Variants in LACTB observed in about 807,000 individuals in gnomAD.
LACTB encodes serine beta-lactamase-like protein LACTB, mitochondrial.
In LACTB, 35 loss-of-function variants were observed where a neutral mutation model predicts 50.2. The observed-to-expected ratio is 0.70, with a 90% CI of 0.53 to 0.92. The LOEUF (loss-of-function observed/expected upper bound fraction) is 0.92, where lower values mean the gene tolerates loss of function less well. Ranked by LOEUF, LACTB falls within the 40% of genes least tolerant of loss-of-function variation. LACTB has a pLI of 0.00. For synonymous variants in LACTB, 252 were observed against 268.2 expected (o/e 0.94, Z 0.59); for missense variants, 664 against 691.8 (o/e 0.96, Z 0.45).
chr15:63,137,548 G>A (rs1044846864), intron 5 of LACTB, among the ~76,000 whole-genome samples: 1 of 152,102 alleles, frequency 6.6e-6, no homozygotes, highest in African/African-American at 2.4e-5. Flanking sequence ...TTTTGATACA[G>A]GCATGCACTG....
In LACTB at chr15:63,129,616, G is replaced by A. The variant is rs757488085; in HGVS notation, c.1084G>A (p.Glu362Lys). The A allele has an allele frequency of 1.2e-6, 2 of 1,609,994 alleles. No individual in the cohort carries two copies. The highest frequency in any genetic ancestry group is 1.7e-6 in the Non-Finnish European group (2 of 1,178,322). ...HDLDMLTTVQEENEPVIYNRA... is the reference protein window; with the variant it reads ...HDLDMLTTVQKENEPVIYNRA... ...CTTGGATATGCTGACGACTGTGCAG[G>A]AAGAAAACGAGCCAGTGATTTACAA... The change falls in exon 5 of 6, where the codon GAA becomes AAA. Residue 362 changes from glutamate (E) to lysine (K), a missense_variant. By Grantham distance (56) the Glu-to-Lys change is moderately conservative. Transcript: ENST00000261893.
intron 2 of LACTB, among the ~76,000 whole-genome samples, chr15:63,124,158 G>C (rs1362007387): frequency 6.6e-6 from 1 of 152,218 alleles, no homozygotes; most frequent in Non-Finnish European, 1.5e-5. Context: ...GGGCGTAACA[G>C]AACGCTCGCA....
At chr15:63,128,526 A>G (rs2037085220) in intron 4 of LACTB, among the ~76,000 whole-genome samples, 1 of 152,166 alleles carries the variant, frequency 6.6e-6, no homozygotes, top group South Asian at 2.1e-4. Flanking sequence ...CCCTGAGCCC[A>G]GGAGTTCAAA....
rs1254657890 is a variant in LACTB at position 63,124,506 on chromosome 15, A to AT, written c.424+1811dup. On this transcript the variant is annotated intron_variant, in intron 2 of 5. Transcript: ENST00000261893. ...TTTTAACCAGGTAGAGGTGTCATCT[A>AT]TTTTTTTCAAACAGAAGGCAAAAAA... Among the ~76,000 whole-genome samples, 13 of 151,978 alleles carry AT rather than the reference A, an allele frequency of 8.6e-5. No individual in the cohort carries two copies. In the East Asian group the frequency reaches 2.5e-3, roughly 29 times the overall value.
chr15:63,129,190 G>A lies in LACTB; in HGVS notation c.953-295G>A, dbSNP rs188949715. Among the ~76,000 whole-genome samples the A allele has an allele frequency of 3.3e-5, 5 of 152,180 alleles. No homozygotes were observed. The East Asian group carries it at 9.7e-4, about 29-fold the overall frequency. On this transcript the variant is annotated intron_variant, in intron 4 of 5. Coordinates refer to ENST00000261893, the MANE Select transcript of LACTB (RefSeq NM_032857.5). ...TTTGTTGTCACTTTGAAATATTTTT[G>A]TTTTGTTTTGAGGTAGGATTTATTT...
chr15:63,127,508 T>C lies in LACTB; in HGVS notation c.771T>C (p.Asn257=), dbSNP rs750803911. 2.5e-6 allele frequency: 4 copies of C among 1,613,614 alleles called. No individual in the cohort carries two copies. Among genetic ancestry groups the C allele is most frequent in the East Asian group, 2.2e-5 (1 of 44,824 alleles). The change falls in exon 4 of 6, where the codon AAT becomes AAC. Residue 257 remains asparagine, a synonymous_variant. Coordinates refer to ENST00000261893, the MANE Select transcript of LACTB (RefSeq NM_032857.5). ...AGCAAGAAAAAGAAGGCAAAAGTAA[T>C]GAAAAGAATGATTTTACTAAATTTA... ...AFEQEKEGKS[N]EKNDFTKFKT...
At chr15:63,128,405 TG>T (rs2037083323) in intron 4 of LACTB, among the ~76,000 whole-genome samples, 1 of 152,178 alleles carries the variant, frequency 6.6e-6, no homozygotes, top group Admixed American at 6.5e-5. Context: ...AAGACTAGTC[TG>T]GGCAACAAAG....
chr15:63,122,526 G>C (rs145418989), intron 1 of LACTB, 110 bp from the exon 2 acceptor site: 377,974 of 881,378 alleles, frequency 0.43, 88,174 homozygotes, highest in Non-Finnish European at 0.51. Context: ...GGCCCAGGTG[G>C]AGGGGGCGGG....
intron 1 of LACTB, 146 bp downstream of exon 1, chr15:63,122,374 C>T (rs2036986483): frequency 2.5e-6 from 2 of 794,132 alleles, no homozygotes; most frequent in Non-Finnish European, 3.9e-6. Context: ...CACCGCCGAG[C>T]CGTGGTCAGA....
Position 63,122,628 on chromosome 15 carries a change from G to T in LACTB, c.358-8G>T, listed in dbSNP as rs762270226. On this transcript the variant is annotated splice_polypyrimidine_tract_variant and splice_region_variant and intron_variant, in intron 1 of 5. Transcript: ENST00000261893. ...CGTAACTGTCGGTTCTTTCCCCTTCGGTCTTAGGATGAGGTGGGCGCACCG... is the reference window on the plus strand; with the variant it reads ...CGTAACTGTCGGTTCTTTCCCCTTCTGTCTTAGGATGAGGTGGGCGCACCG... 5.6e-6 allele frequency: 9 copies of T among 1,610,710 alleles called. No homozygotes were observed. The highest frequency in any genetic ancestry group is 1.1e-5 in the South Asian group (1 of 91,036).
At chr15:63,130,991 A>T (rs1478950198) in intron 5 of LACTB, 4 of 152,180 alleles carry the variant, frequency 2.6e-5, no homozygotes, top group Non-Finnish European at 4.4e-5. Context: ...ATCAGTTGGC[A>T]TTCTATTATA....
chr15:63,127,273 C>A, intron 3 of LACTB, 80 bp from the exon 4 acceptor site: 2 of 1,163,410 alleles, frequency 1.7e-6, no homozygotes, highest in South Asian at 1.6e-5. Context: ...GAAAATATTA[C>A]TGAGACATTA....
rs540808196 is a variant in LACTB at position 63,132,819 on chromosome 15, T to A, written c.1118+3169T>A. Among the ~76,000 whole-genome samples the A allele has an allele frequency of 8.3e-4, 119 of 143,518 alleles. 1 individual carries two copies. The South Asian group carries it at 0.025, about 30-fold the overall frequency. 94.2% of individuals were successfully genotyped at this position (143,518 alleles called of 152,430 possible). A position where few individuals can be genotyped will look rare whatever the true frequency, so the allele number is the denominator to read the frequency against. ...CTGGGCAAGAGAGCGAGACCCCATT[T>A]AAAAAAAATTTTTTTTTGATATATT... On this transcript the variant is annotated intron_variant, in intron 5 of 5. Coordinates refer to ENST00000261893, the MANE Select transcript of LACTB (RefSeq NM_032857.5).
intron 5 of LACTB, 21 bp downstream of exon 5, chr15:63,129,671 G>GC: frequency 6.4e-7 from 1 of 1,555,042 alleles, no homozygotes; most frequent in Non-Finnish European, 8.7e-7. Flanking sequence ...ACCTTCTGCT[G>GC]TGTCTAGCTA....
chr15:63,134,134 A>C (rs2037155731), intron 5 of LACTB, among the ~76,000 whole-genome samples: 1 of 152,034 alleles, frequency 6.6e-6, no homozygotes, highest in Non-Finnish European at 1.5e-5. Flanking sequence ...CTCTCTCTTC[A>C]TACCATAGTG....
intron 5 of LACTB, among the ~76,000 whole-genome samples, chr15:63,138,359 T>C (rs1595718316): frequency 6.6e-6 from 1 of 152,250 alleles, no homozygotes; most frequent in East Asian, 1.9e-4. Flanking sequence ...ATTTCTGTGG[T>C]GATATAACAT....
At chr15:63,125,171 A>ATT (rs1420197867) in intron 2 of LACTB, among the ~76,000 whole-genome samples, 2 of 66,704 alleles carry the variant, frequency 3.0e-5, no homozygotes, top group East Asian at 1.5e-3. Flanking sequence ...AAAAAATTTT[A>ATT]TTTATTTATT....
In LACTB at chr15:63,122,103, C is replaced by T; in HGVS notation, c.232C>T (p.Pro78Ser). 6.8e-7 allele frequency: 1 copy of T among 1,476,766 alleles called. No homozygotes were observed. Among genetic ancestry groups the T allele is most frequent in the Non-Finnish European group, 8.9e-7 (1 of 1,121,752 alleles). 91.5% of individuals were successfully genotyped at this position (1,476,766 alleles called of 1,614,324 possible). Residue 78 changes from proline (P) to serine (S), a missense_variant, in exon 1 of 6, where the codon CCT (proline) becomes TCT (serine). Pro to Ser is a moderately conservative substitution (Grantham distance 74, BLOSUM62 -1). Transcript: ENST00000261893. ...SPAAPDPEAS[P>S]LAEPPQEQSL... ...CGCGGCCCCCGACCCTGAGGCGTCG[C>T]CTCTGGCCGAGCCGCCACAGGAGCA... is the stretch of plus-strand genomic sequence containing the variant.
chr15:63,139,258 G>C (rs914726356), intron 5 of LACTB, among the ~76,000 whole-genome samples: 7 of 151,316 alleles, frequency 4.6e-5, no homozygotes, highest in Admixed American at 1.3e-4. Flanking sequence ...CCCAGCTACT[G>C]GGGAGGCTGA....
Sources: allele counts gnomAD v4.1 joint callset (sites outside exome capture counted in the v4.1 genomes callset), GRCh38; gene constraint gnomAD v4.1.1; transcripts MANE v1.5; gene names NCBI Gene and HGNC (gene_info 2026-07-23, HGNC 2026-07-21).